KLHL1: variants seen among roughly 807,000 people sequenced by gnomAD.
The protein encoded by KLHL1 is kelch-like protein 1.
In KLHL1, 47 loss-of-function variants were observed where a neutral mutation model predicts 77.7. The observed-to-expected ratio is 0.60, with a 90% CI of 0.48 to 0.77. The LOEUF is 0.77. Ranked by LOEUF, KLHL1 falls within the 30% of genes least tolerant of loss-of-function variation. The pLI, the probability that KLHL1 is intolerant of heterozygous loss-of-function variation, is 0.00. For missense variants in KLHL1, 925 were observed against 910.8 expected, an observed-to-expected ratio of 1.02 and a Z score of -0.20; for synonymous variants, 360 against 325.2, an observed-to-expected ratio of 1.11 and a Z score of -1.15.
At chr13:69,785,434 A>C (rs1445796677) in intron 7 of KLHL1, among the ~76,000 whole-genome samples, 3 of 152,146 alleles carry the variant, frequency 2.0e-5, no homozygotes, top group Non-Finnish European at 4.4e-5. Flanking sequence ...GAAGGCAGAA[A>C]TAAAGATGTT....
intron 7 of KLHL1, among the ~76,000 whole-genome samples, chr13:69,753,670 A>C (rs17085328): frequency 0.021 from 3,206 of 152,206 alleles, 124 homozygotes; most frequent in African/African-American, 0.073. Flanking sequence ...ATTGGCAAAA[A>C]CATTAAAAAT....
At chr13:70,095,872 A>G (rs1887777773) in intron 1 of KLHL1, among the ~76,000 whole-genome samples, 2 of 151,574 alleles carry the variant, frequency 1.3e-5, no homozygotes, top group Non-Finnish European at 2.9e-5. Context: ...AGATGCTGGT[A>G]ACCATCATTA....
chr13:69,894,804 C>T (rs538458674), intron 4 of KLHL1: 5 of 231,920 alleles, frequency 2.2e-5, no homozygotes, highest in Non-Finnish European at 4.3e-5. Context: ...TCCTTAATTT[C>T]TGGGATTTGG....
At chr13:70,066,963 C>G (rs1887022843) in intron 1 of KLHL1, among the ~76,000 whole-genome samples, 1 of 152,146 alleles carries the variant, frequency 6.6e-6, no homozygotes, top group Admixed American at 6.6e-5. Flanking sequence ...GAGCATAAGT[C>G]TTTAGTGTTT....
At chr13:70,047,846 A>G (rs536676127) in intron 1 of KLHL1, among the ~76,000 whole-genome samples, 29 of 152,306 alleles carry the variant, frequency 1.9e-4, no homozygotes, top group African/African-American at 6.5e-4. Flanking sequence ...AAAAGGTAGC[A>G]TGAAGAAACA....
intron 1 of KLHL1, among the ~76,000 whole-genome samples, chr13:69,976,519 C>A (rs1381073515): frequency 6.6e-6 from 1 of 151,934 alleles, no homozygotes; most frequent in Non-Finnish European, 1.5e-5. Context: ...TGCTATACTC[C>A]ATCATAGGGA....
intron 1 of KLHL1, among the ~76,000 whole-genome samples, chr13:70,083,575 A>G (rs1219110825): frequency 1.3e-5 from 2 of 152,208 alleles, no homozygotes. Flanking sequence ...TATTGTGAAG[A>G]TAACTACAAA....
At chr13:70,097,241 C>T (rs1887813394) in intron 1 of KLHL1, among the ~76,000 whole-genome samples, 1 of 151,900 alleles carries the variant, frequency 6.6e-6, no homozygotes, top group Admixed American at 6.6e-5. Flanking sequence ...AAATGTGAGT[C>T]CTATAAGGCA....
intron 1 of KLHL1, among the ~76,000 whole-genome samples, chr13:70,072,769 G>C (rs1409236005): frequency 2.0e-5 from 3 of 151,994 alleles, no homozygotes; most frequent in African/African-American, 7.3e-5. Flanking sequence ...GTGCTCAGCT[G>C]GTGCTAAGTG....
At chr13:69,946,895 A>G (rs920262451) in intron 3 of KLHL1, among the ~76,000 whole-genome samples, 1 of 152,140 alleles carries the variant, frequency 6.6e-6, no homozygotes, top group Non-Finnish European at 1.5e-5. Context: ...AGGTTGGTAC[A>G]AAAGTAATTG....
chr13:69,831,936 A>AG (rs1194625203), intron 6 of KLHL1, among the ~76,000 whole-genome samples: 2 of 150,182 alleles, frequency 1.3e-5, no homozygotes, highest in Non-Finnish European at 3.0e-5. Context: ...ACTGGCATAG[A>AG]GGGGACATAC....
chr13:69,982,254 T>C (rs946502037), intron 1 of KLHL1, among the ~76,000 whole-genome samples: 2 of 151,498 alleles, frequency 1.3e-5, no homozygotes, highest in Non-Finnish European at 2.9e-5. Flanking sequence ...GGCAACACGG[T>C]GAAACCCTGT....
chr13:70,031,696 T>A (rs1219114312), intron 1 of KLHL1, among the ~76,000 whole-genome samples: 1 of 152,202 alleles, frequency 6.6e-6, no homozygotes, highest in Non-Finnish European at 1.5e-5. Context: ...TAATTATTGC[T>A]TTTTGACAGA....
At chr13:70,102,300 T>G (rs1593745648) in intron 1 of KLHL1, among the ~76,000 whole-genome samples, 1 of 152,180 alleles carries the variant, frequency 6.6e-6, no homozygotes, top group East Asian at 1.9e-4. Context: ...GTCTCCAAAA[T>G]AATTATTTCT....
At position 69,785,297 on chromosome 13, in the gene KLHL1, C is replaced by T. The variant is rs569477487; in HGVS notation, c.1639+11441G>A. Reference sequence around the variant, plus strand: ...AAATGTAAAAGAATAGAAATTATAACGAACTGTCTCTCACACCACAGTGCA... The same window carrying T: ...AAATGTAAAAGAATAGAAATTATAATGAACTGTCTCTCACACCACAGTGCA... On this transcript the variant is annotated intron_variant, in intron 7 of 10. Transcript: ENST00000377844. Among the ~76,000 whole-genome samples the T allele has an allele frequency of 1.1e-3, 174 of 152,112 alleles. 10 individuals carry two copies. The highest frequency in any genetic ancestry group is 4.4e-4 in the Non-Finnish European group (30 of 68,026).
At chr13:69,875,706 T>C (rs1880738153) in intron 5 of KLHL1, among the ~76,000 whole-genome samples, 1 of 152,126 alleles carries the variant, frequency 6.6e-6, no homozygotes, top group South Asian at 2.1e-4. Context: ...ACTTGAACGG[T>C]GAATGTCACA....
intron 1 of KLHL1, among the ~76,000 whole-genome samples, chr13:70,085,942 G>A (rs1887525469): frequency 6.6e-6 from 1 of 152,158 alleles, no homozygotes; most frequent in Non-Finnish European, 1.5e-5. Flanking sequence ...TGTATATGGT[G>A]ACAGACATTT....
intron 1 of KLHL1, among the ~76,000 whole-genome samples, chr13:70,008,896 G>T (rs546209848): frequency 5.3e-5 from 8 of 152,112 alleles, no homozygotes; most frequent in African/African-American, 1.9e-4. Context: ...CTCAAAAATG[G>T]ATCAATATTA....
At chr13:69,936,208 T>G (rs906990641) in intron 4 of KLHL1, among the ~76,000 whole-genome samples, 6 of 152,126 alleles carry the variant, frequency 3.9e-5, no homozygotes, top group Non-Finnish European at 5.9e-5. Flanking sequence ...CAACACATAT[T>G]TAGCAGGAAT....
Sources: allele counts gnomAD v4.1 joint callset (sites outside exome capture counted in the v4.1 genomes callset), GRCh38; gene constraint gnomAD v4.1.1; transcripts MANE v1.5; gene names NCBI Gene and HGNC (gene_info 2026-07-23, HGNC 2026-07-21).